The following MYRIP variants were observed in gnomAD, a reference collection of about 807,000 sequenced individuals.
MYRIP encodes rab effector MyRIP.
In MYRIP, 49 loss-of-function variants were observed where a neutral mutation model predicts 98.0. That is an observed-to-expected ratio of 0.50 (90% confidence interval 0.40 to 0.63). The LOEUF (loss-of-function observed/expected upper bound fraction) is 0.63, where lower values mean the gene tolerates loss of function less well. Ranked by LOEUF, MYRIP falls within the 30% of genes least tolerant of loss-of-function variation. MYRIP has a pLI of 0.00. For synonymous variants in MYRIP, 404 were observed against 409.5 expected (o/e 0.99, Z 0.16); for missense variants, 1,004 against 1,058.2 (o/e 0.95, Z 0.71).
intron 2 of MYRIP, among the ~76,000 whole-genome samples, chr3:40,000,795 C>T (rs1182873825): frequency 1.3e-5 from 2 of 152,162 alleles, no homozygotes; most frequent in Non-Finnish European, 2.9e-5. Context: ...AGCCCACAGC[C>T]ACCAAGACTC....
At chr3:40,196,156 C>CT (rs927718369) in intron 10 of MYRIP, among the ~76,000 whole-genome samples, 31 of 150,686 alleles carry the variant, frequency 2.1e-4, no homozygotes, top group Admixed American at 8.6e-4. Context: ...ACTTACCAGT[C>CT]TTTTTTTTTA....
upstream of MYRIP, among the ~76,000 whole-genome samples, chr3:39,809,266 G>A (rs1019807805): frequency 2.6e-5 from 4 of 151,906 alleles, no homozygotes. Flanking sequence ...GAAGGACCTG[G>A]AGTCGCACAT....
chr3:39,939,639 T>G (rs557828196), intron 2 of MYRIP, among the ~76,000 whole-genome samples: 24 of 152,316 alleles, frequency 1.6e-4, no homozygotes, highest in African/African-American at 5.8e-4. Flanking sequence ...GAAAAAAACC[T>G]AAATGTATAA....
chr3:40,189,989 C>A lies in MYRIP; in HGVS notation c.1191C>A (p.Ser397Arg), dbSNP rs144029253. Residue 397 changes from serine to arginine, a missense_variant, in exon 10 of 17, where the codon AGC (serine) becomes AGA (arginine). Coordinates refer to ENST00000302541, the MANE Select transcript of MYRIP (RefSeq NM_015460.4). ...ASAYDEMGSD[S>R]EEDFDWSEAL... is the part of the protein sequence containing the mutation. ...CCTACGATGAGATGGGCTCCGATAG[C>A]GAGGAAGACTTTGACTGGAGTGAGG... 1 of 1,614,126 alleles carries A rather than the reference C, an allele frequency of 6.2e-7. No homozygotes were observed. Among genetic ancestry groups the A allele is most frequent in the Non-Finnish European group, 8.5e-7 (1 of 1,180,014 alleles).
At chr3:40,113,365 G>T (rs1446771583) in intron 3 of MYRIP, among the ~76,000 whole-genome samples, 1 of 152,088 alleles carries the variant, frequency 6.6e-6, no homozygotes, top group Non-Finnish European at 1.5e-5. Flanking sequence ...GGCTGGTCTC[G>T]AACTCCTCAC....
chr3:39,975,099 T>G (rs1336373759), intron 2 of MYRIP, among the ~76,000 whole-genome samples: 1 of 152,096 alleles, frequency 6.6e-6, no homozygotes, highest in Non-Finnish European at 1.5e-5. Flanking sequence ...AAAGAGGAAG[T>G]CAAATTGTCC....
intron 1 of MYRIP, among the ~76,000 whole-genome samples, chr3:39,824,132 T>C (rs1941198594): frequency 6.6e-6 from 1 of 152,218 alleles, no homozygotes; most frequent in South Asian, 2.1e-4. Context: ...TGAATGCTCT[T>C]GGTGCCTTTG....
At chr3:39,982,838 A>C (rs1172582665) in intron 2 of MYRIP, among the ~76,000 whole-genome samples, 1 of 152,194 alleles carries the variant, frequency 6.6e-6, no homozygotes, top group Admixed American at 6.5e-5. Flanking sequence ...ATCGTGGTAC[A>C]TTGTCAAAAA....
rs375405956 is a variant in MYRIP at position 40,005,008 on chromosome 3, A to G, written c.111-39042A>G. Reference sequence around the variant, plus strand: ...CATACTTAATATTTAGCTCCCACTTACTAGTGACAACATGCCATATTTGGT... The same window carrying G: ...CATACTTAATATTTAGCTCCCACTTGCTAGTGACAACATGCCATATTTGGT... On this transcript the variant is annotated intron_variant, in intron 2 of 16. Coordinates refer to ENST00000302541, the MANE Select transcript of MYRIP (RefSeq NM_015460.4). Among the ~76,000 whole-genome samples, 10 of 152,106 alleles carry G rather than the reference A, an allele frequency of 6.6e-5. No individual in the cohort carries two copies. The East Asian group carries it at 1.2e-3, about 18-fold the overall frequency.
intron 1 of MYRIP, among the ~76,000 whole-genome samples, chr3:39,813,551 A>T (rs1940773204): frequency 6.7e-6 from 1 of 148,440 alleles, no homozygotes. Flanking sequence ...TACACACTCT[A>T]AGTTTACACA....
intron 2 of MYRIP, 105 bp downstream of exon 2, chr3:39,901,031 C>T (rs1309602523): frequency 3.9e-6 from 3 of 764,760 alleles, no homozygotes; most frequent in Non-Finnish European, 6.5e-6. Flanking sequence ...TTTGGATATA[C>T]ACTTATGTTT....
intron 3 of MYRIP, among the ~76,000 whole-genome samples, chr3:40,102,271 G>A (rs972375991): frequency 6.6e-6 from 1 of 152,286 alleles, no homozygotes; most frequent in South Asian, 2.1e-4. Context: ...GTATAAAAGG[G>A]GACTAGAGGC....
At chr3:40,145,966 G>C (rs1260781341) in intron 3 of MYRIP, among the ~76,000 whole-genome samples, 1 of 152,106 alleles carries the variant, frequency 6.6e-6, no homozygotes, top group East Asian at 1.9e-4. Flanking sequence ...GTGTCTACTA[G>C]GTGCACTTTA....
chr3:39,852,731 CCTGTTCTCCTCTTCTCTTCTCTT>C (rs759670303), intron 1 of MYRIP, among the ~76,000 whole-genome samples: 7,889 of 151,828 alleles, frequency 0.052, 242 homozygotes, highest in African/African-American at 0.072. Flanking sequence ...CCTCTCCTCT[CCTGTTCTCCTCTTCTCTTCTCTT>C]CTGTTCTCCT....
At chr3:40,136,788 G>A (rs1010387647) in intron 3 of MYRIP, among the ~76,000 whole-genome samples, 3 of 152,188 alleles carry the variant, frequency 2.0e-5, no homozygotes, top group Non-Finnish European at 4.4e-5. Flanking sequence ...TGACTACTGG[G>A]TACATAACGA....
Position 40,162,822 on chromosome 3 carries a change from T to C in MYRIP, c.550+12T>C, listed in dbSNP as rs1023904379. The stretch of plus-strand genomic sequence containing the variant: ...TAGGCAGTCAGAAGGTAAAGTTGCT[T>C]AAGAGTTTACAGCTACTGGGAAGTT... On this transcript the variant is annotated intron_variant, in intron 5 of 16. Coordinates refer to ENST00000302541, the MANE Select transcript of MYRIP (RefSeq NM_015460.4). 6.2e-7 allele frequency: 1 copy of C among 1,611,040 alleles called. No homozygotes were observed. Among genetic ancestry groups the C allele is most frequent in the South Asian group, 1.1e-5 (1 of 90,954 alleles).
At chr3:40,060,878 G>A (rs2125848265) in intron 3 of MYRIP, among the ~76,000 whole-genome samples, 1 of 152,158 alleles carries the variant, frequency 6.6e-6, no homozygotes, top group East Asian at 1.9e-4. Flanking sequence ...CAGGCATGAG[G>A]CACCACGCCC....
At chr3:40,046,687 C>T (rs931032544) in intron 3 of MYRIP, among the ~76,000 whole-genome samples, 3 of 151,100 alleles carry the variant, frequency 2.0e-5, no homozygotes, top group Admixed American at 6.6e-5. Context: ...GCTATTGAAG[C>T]GGGATGATGG....
intron 6 of MYRIP, 70 bp downstream of exon 6, chr3:40,167,013 C>T (rs1950515323): frequency 2.9e-6 from 4 of 1,391,794 alleles, no homozygotes; most frequent in Non-Finnish European, 1.0e-6. Flanking sequence ...GGAGAAAGTG[C>T]AGGTTGTCAG....
Sources: gnomAD v4.1 joint callset for allele counts (sites outside exome capture counted in the v4.1 genomes callset) on GRCh38, gnomAD v4.1.1 for gene constraint, MANE v1.5 for transcripts, NCBI Gene and HGNC (gene_info 2026-07-23, HGNC 2026-07-21) for gene names.